GALNT17: variants seen among roughly 807,000 people sequenced by gnomAD.
The protein encoded by GALNT17 is polypeptide N-acetylgalactosaminyltransferase 17, also known as UDP-GalNAc:polypeptide N-acetylgalactosaminyltransferase-like 3.
GALNT17 carries 29 observed loss-of-function variants against 63.7 expected under a neutral mutation model. That is an observed-to-expected ratio of 0.46 (90% CI 0.34 to 0.62). The LOEUF is 0.62. GALNT17 is among the 20% of genes least tolerant of loss of function. GALNT17 has a pLI of 0.01. For missense variants in GALNT17, 603 were observed against 799.6 expected (o/e 0.75, Z 2.97); for synonymous variants, 305 against 318.3 (o/e 0.96, Z 0.45).
At chr7:71,443,733 T>A (rs1332686709) in intron 5 of GALNT17, among the ~76,000 whole-genome samples, 1 of 151,940 alleles carries the variant, frequency 6.6e-6, no homozygotes, top group Non-Finnish European at 1.5e-5. Flanking sequence ...TGTTCCTTTT[T>A]TTTTTTTTGA....
chr7:71,549,147 G>A (rs572769517), intron 5 of GALNT17, among the ~76,000 whole-genome samples: 1 of 152,112 alleles, frequency 6.6e-6, no homozygotes. Context: ...TCTATTACTC[G>A]AGCAGAGTCG....
At chr7:71,391,014 CT>C (rs1380770314) in intron 3 of GALNT17, among the ~76,000 whole-genome samples, 1 of 152,212 alleles carries the variant, frequency 6.6e-6, no homozygotes, top group African/African-American at 2.4e-5. Context: ...CACCTTGCTA[CT>C]AGCTGTCGCA....
At chr7:71,361,962 A>T (rs558636851) in intron 2 of GALNT17, among the ~76,000 whole-genome samples, 2 of 151,790 alleles carry the variant, frequency 1.3e-5, no homozygotes, top group East Asian at 3.9e-4. Flanking sequence ...TTTACTTTTT[A>T]TTTTTATTTT....
At chr7:71,400,023 CG>C (rs1793212064) in intron 3 of GALNT17, among the ~76,000 whole-genome samples, 1 of 152,052 alleles carries the variant, frequency 6.6e-6, no homozygotes, top group Non-Finnish European at 1.5e-5. Context: ...GGGATGCATG[CG>C]CAGAACGTGC....
intron 6 of GALNT17, among the ~76,000 whole-genome samples, chr7:71,656,843 G>T (rs73702249): frequency 1.8e-3 from 274 of 152,292 alleles, no homozygotes; most frequent in African/African-American, 6.3e-3. Flanking sequence ...TTGAGTGACG[G>T]AGGTCGTGGG....
chr7:71,237,800 T>G (rs1789922881), intron 1 of GALNT17, among the ~76,000 whole-genome samples: 2 of 152,204 alleles, frequency 1.3e-5, no homozygotes, highest in Admixed American at 6.5e-5. Flanking sequence ...TGGAACTTTT[T>G]GGGGATGTTT....
chr7:71,156,934 A>G (rs1436319086), intron 1 of GALNT17, among the ~76,000 whole-genome samples: 2 of 150,936 alleles, frequency 1.3e-5, no homozygotes, highest in Non-Finnish European at 2.9e-5. Flanking sequence ...TTCTTAATAT[A>G]TTTTATTTAT....
chr7:71,172,470 A>T (rs572898204), intron 1 of GALNT17, among the ~76,000 whole-genome samples: 1 of 151,940 alleles, frequency 6.6e-6, no homozygotes, highest in African/African-American at 2.4e-5. Context: ...AAAAAAAGAA[A>T]AAAAAAAAAG....
intron 6 of GALNT17, among the ~76,000 whole-genome samples, chr7:71,576,166 G>T (rs1789534182): frequency 6.6e-6 from 1 of 152,096 alleles, no homozygotes; most frequent in Admixed American, 6.6e-5. Flanking sequence ...ATAAAAACAT[G>T]GCACCCAAGA....
At position 71,132,938 on chromosome 7, in the gene GALNT17, G is replaced by C. The variant is rs746859541; in HGVS notation, c.136G>C (p.Ala46Pro). The change falls in exon 1 of 11, where the codon GCC (alanine) becomes CCC (proline). Residue 46 changes from alanine to proline, a missense_variant. Around this residue, in one of 3 missense-constraint regions of GALNT17, gnomAD observed 195 missense variants for 215.0 expected, o/e 0.91. Coordinates refer to ENST00000333538, the MANE Select transcript of GALNT17 (RefSeq NM_022479.3). Reference protein sequence around the residue: ...GDAFHEIRPRAEVANLSAHSA... With the variant: ...GDAFHEIRPRPEVANLSAHSA... ...CGCCTTCCACGAGATCCGGCCGCGC[G>C]CCGAGGTGGCCAACCTCAGCGCGCA... The C allele has an allele frequency of 6.2e-7, 1 of 1,610,828 alleles. No individual in the cohort carries two copies. The highest frequency in any genetic ancestry group is 1.1e-5 in the South Asian group (1 of 90,992).
At chr7:71,463,915 T>C (rs553251754) in intron 5 of GALNT17, among the ~76,000 whole-genome samples, 1 of 152,288 alleles carries the variant, frequency 6.6e-6, no homozygotes, top group Admixed American at 6.5e-5. Flanking sequence ...AGCAAGGTCT[T>C]TGTGACCTGT....
intron 1 of GALNT17, among the ~76,000 whole-genome samples, chr7:71,243,890 C>T (rs966774345): frequency 3.9e-5 from 6 of 152,046 alleles, no homozygotes; most frequent in South Asian, 2.1e-4. Context: ...GTCATGATGT[C>T]GTTGGCAGGA....
chr7:71,238,447 A>G (rs563881356), intron 1 of GALNT17, among the ~76,000 whole-genome samples: 3 of 152,098 alleles, frequency 2.0e-5, no homozygotes, highest in South Asian at 2.1e-4. Context: ...GCACCCTTCA[A>G]CTTATGGGCT....
intron 6 of GALNT17, among the ~76,000 whole-genome samples, chr7:71,617,923 A>G (rs1790238590): frequency 6.6e-6 from 1 of 152,028 alleles, no homozygotes; most frequent in South Asian, 2.1e-4. Context: ...CTGGGATTAG[A>G]GGTATGAGCC....
At chr7:71,609,086 T>C (rs1232732351) in intron 6 of GALNT17, among the ~76,000 whole-genome samples, 1 of 152,154 alleles carries the variant, frequency 6.6e-6, no homozygotes, top group African/African-American at 2.4e-5. Context: ...CAGCCATCTT[T>C]TACTCTTCCT....
chr7:71,697,278 C>G (rs1791559466), intron 9 of GALNT17, among the ~76,000 whole-genome samples: 1 of 152,094 alleles, frequency 6.6e-6, no homozygotes, highest in Non-Finnish European at 1.5e-5. Context: ...CTGTGAGGGT[C>G]TGGAGGCAAG....
At chr7:71,250,995 C>T (rs972133358) in intron 1 of GALNT17, among the ~76,000 whole-genome samples, 3 of 152,214 alleles carry the variant, frequency 2.0e-5, no homozygotes, top group African/African-American at 7.2e-5. Context: ...AAAGCATAAG[C>T]ATTTCCCCAA....
intron 2 of GALNT17, among the ~76,000 whole-genome samples, chr7:71,361,134 C>T (rs769613793): frequency 4.6e-5 from 7 of 152,136 alleles, no homozygotes; most frequent in African/African-American, 1.7e-4. Flanking sequence ...CCCAGAATTT[C>T]TGGTATGCAG....
chr7:71,247,814 C>G (rs1196014240), intron 1 of GALNT17, among the ~76,000 whole-genome samples: 1 of 152,120 alleles, frequency 6.6e-6, no homozygotes, highest in African/African-American at 2.4e-5. Context: ...TCAACACATA[C>G]TATGTATGTC....
Sources: gnomAD v4.1 joint callset for allele counts (sites outside exome capture counted in the v4.1 genomes callset) on GRCh38, gnomAD v4.1.1 for gene constraint, gnomAD v4.1.1 regional missense constraint, MANE v1.5 for transcripts, NCBI Gene and HGNC (gene_info 2026-07-23, HGNC 2026-07-21) for gene names.